The following PEBP4 variants were observed in gnomAD, a reference collection of about 807,000 sequenced individuals.
PEBP4 encodes the protein phosphatidylethanolamine-binding protein 4.
Under a neutral mutation model 23.9 loss-of-function variants are expected in PEBP4, and 22 were observed. The ratio of observed to expected loss-of-function variants is 0.92; its 90% confidence interval spans 0.66 to 1.31. The LOEUF (loss-of-function observed/expected upper bound fraction) is 1.31, where lower values mean the gene tolerates loss of function less well. Ranked by LOEUF, PEBP4 falls within the 40% of genes most tolerant of loss-of-function variation. PEBP4 has a pLI of 0.00. For synonymous variants in PEBP4, 112 were observed against 99.3 expected, an observed-to-expected ratio of 1.13 and a Z score of -0.76; for missense variants, 324 against 281.7, an observed-to-expected ratio of 1.15 and a Z score of -1.07.
intron 3 of PEBP4, among the ~76,000 whole-genome samples, chr8:22,866,695 C>A (rs1175466810): frequency 6.6e-6 from 1 of 151,518 alleles, no homozygotes; most frequent in African/African-American, 2.4e-5. Context: ...AATTAAAATA[C>A]ATATAAACAC....
At chr8:22,835,011 G>C (rs1298333011) in intron 3 of PEBP4, among the ~76,000 whole-genome samples, 1 of 152,132 alleles carries the variant, frequency 6.6e-6, no homozygotes, top group African/African-American at 2.4e-5. Context: ...TAACGCCTAG[G>C]TCACTTCTGA....
At chr8:22,723,117 C>A (rs1364302498) in intron 6 of PEBP4, among the ~76,000 whole-genome samples, 2 of 152,038 alleles carry the variant, frequency 1.3e-5, no homozygotes, top group African/African-American at 2.4e-5. Context: ...AGATGCAAGT[C>A]CAGTTTCTAA....
chr8:22,837,888 T>C (rs930227792), intron 3 of PEBP4, among the ~76,000 whole-genome samples: 5 of 143,478 alleles, frequency 3.5e-5, no homozygotes, highest in African/African-American at 1.3e-4. Context: ...GATTATTATA[T>C]TCTTTTTTTT....
chr8:22,735,648 G>C (rs971726013), intron 4 of PEBP4, among the ~76,000 whole-genome samples: 2 of 152,208 alleles, frequency 1.3e-5, no homozygotes, highest in Non-Finnish European at 2.9e-5. Flanking sequence ...TTCTCCAAAT[G>C]ATCAGTAACT....
intron 4 of PEBP4, among the ~76,000 whole-genome samples, chr8:22,808,366 TC>T (rs1016476832): frequency 6.6e-6 from 1 of 152,214 alleles, no homozygotes; most frequent in African/African-American, 2.4e-5. Context: ...CATCTCTTCC[TC>T]CATTCTTTAT....
chr8:22,834,165 G>A (rs958130278), intron 3 of PEBP4, among the ~76,000 whole-genome samples: 2 of 152,222 alleles, frequency 1.3e-5, no homozygotes, highest in South Asian at 4.1e-4. Flanking sequence ...CCCACTATTC[G>A]TGATGATGTT....
At position 22,805,688 on chromosome 8, in the gene PEBP4, T is replaced by C. The variant is rs577816144; in HGVS notation, c.357+11949A>G. The stretch of plus-strand genomic sequence containing the variant: ...ATACCACTCTGGTGCCAGATGTTGA[T>C]AGTGGAGGAGGCTTGGAGCAGGCAG... On this transcript the variant is annotated intron_variant, in intron 4 of 6. Transcript: ENST00000256404. Among the ~76,000 whole-genome samples the C allele has an allele frequency of 3.9e-4, 60 of 152,318 alleles. No individual in the cohort carries two copies. In the South Asian group the frequency reaches 0.012, roughly 31 times the overall value.
At chr8:22,778,097 T>C (rs965472241) in intron 4 of PEBP4, among the ~76,000 whole-genome samples, 4 of 152,098 alleles carry the variant, frequency 2.6e-5, no homozygotes, top group African/African-American at 9.7e-5. Context: ...CCCCTGGAAT[T>C]TGGGGGAGGC....
At chr8:22,925,191 T>A (rs910460545) in intron 2 of PEBP4, 1 of 985,418 alleles carries the variant, frequency 1.0e-6, no homozygotes, top group Non-Finnish European at 1.2e-6. Context: ...AGCTCCTCTT[T>A]TGCGATGATG....
At chr8:22,786,247 T>C (rs1563215662) in intron 4 of PEBP4, among the ~76,000 whole-genome samples, 2 of 152,194 alleles carry the variant, frequency 1.3e-5, no homozygotes, top group South Asian at 4.1e-4. Context: ...GGACCTCTGG[T>C]AATAGGCTAG....
At chr8:22,826,511 C>T (rs1806971697) in intron 3 of PEBP4, among the ~76,000 whole-genome samples, 1 of 152,148 alleles carries the variant, frequency 6.6e-6, no homozygotes, top group Non-Finnish European at 1.5e-5. Flanking sequence ...AACTCAAGTG[C>T]CCATGAGCTG....
At chr8:22,778,653 GC>G (rs1805861687) in intron 4 of PEBP4, among the ~76,000 whole-genome samples, 1 of 152,164 alleles carries the variant, frequency 6.6e-6, no homozygotes, top group Non-Finnish European at 1.5e-5. Context: ...CGGGCCTGGG[GC>G]CACCCTGTGG....
intron 3 of PEBP4, among the ~76,000 whole-genome samples, chr8:22,875,588 G>A (rs1808102833): frequency 6.6e-6 from 1 of 152,060 alleles, no homozygotes; most frequent in Non-Finnish European, 1.5e-5. Context: ...TGTCTCTAAC[G>A]TAAACACTTG....
chr8:22,724,025 T>G (rs1294454988), intron 6 of PEBP4, among the ~76,000 whole-genome samples: 1 of 152,238 alleles, frequency 6.6e-6, no homozygotes, highest in African/African-American at 2.4e-5. Context: ...GGGATGTGCT[T>G]CTTGCACTTC....
intron 4 of PEBP4, among the ~76,000 whole-genome samples, chr8:22,768,188 G>T (rs907865425): frequency 6.6e-6 from 1 of 152,154 alleles, no homozygotes; most frequent in Non-Finnish European, 1.5e-5. Context: ...GGAGCACTGG[G>T]GTCCCTAGCA....
intron 4 of PEBP4, among the ~76,000 whole-genome samples, chr8:22,783,658 G>T (rs1228144625): frequency 2.6e-5 from 4 of 152,208 alleles, no homozygotes; most frequent in Non-Finnish European, 5.9e-5. Context: ...AACACATGCT[G>T]TGGTTTTTGG....
At chr8:22,727,613 G>A (rs1039929068) in intron 4 of PEBP4, among the ~76,000 whole-genome samples, 3 of 152,132 alleles carry the variant, frequency 2.0e-5, no homozygotes, top group Admixed American at 6.5e-5. Context: ...TCTAAGGGAG[G>A]CGCTTAGGTC....
At chr8:22,938,700 TCCC>T (rs531708185) in intron 1 of PEBP4, among the ~76,000 whole-genome samples, 2 of 151,724 alleles carry the variant, frequency 1.3e-5, no homozygotes, top group East Asian at 3.9e-4. Flanking sequence ...AGGTCACACT[TCCC>T]CCCCATTATA....
At chr8:22,728,173 G>A (rs1287060498) in intron 4 of PEBP4, among the ~76,000 whole-genome samples, 1 of 152,176 alleles carries the variant, frequency 6.6e-6, no homozygotes, top group Non-Finnish European at 1.5e-5. Context: ...TGGGAGGATG[G>A]GGGAGAGGTG....
Sources: gnomAD v4.1 joint callset for allele counts (sites outside exome capture counted in the v4.1 genomes callset) on GRCh38, gnomAD v4.1.1 for gene constraint, MANE v1.5 for transcripts, NCBI Gene and HGNC (gene_info 2026-07-23, HGNC 2026-07-21) for gene names.